The following EPHA6 variants were observed in gnomAD, a reference collection of about 807,000 sequenced individuals.
EPHA6 encodes the protein ephrin type-A receptor 6.
A neutral mutation model predicts 112.0 loss-of-function variants in EPHA6; 50 were observed. The observed-to-expected ratio is 0.45, with a 90% CI of 0.36 to 0.56. The LOEUF is 0.56. Among genes scored for constraint, EPHA6 ranks in the 20% least tolerant of loss-of-function variants. EPHA6 has a pLI of 0.00. For synonymous variants in EPHA6, 529 were observed against 490.7 expected, an observed-to-expected ratio of 1.08 and a Z score of -1.03; for missense variants, 1,280 against 1,417.4, an observed-to-expected ratio of 0.90 and a Z score of 1.56.
At chr3:97,107,556 T>TA (rs2047604258) in intron 3 of EPHA6, among the ~76,000 whole-genome samples, 1 of 152,188 alleles carries the variant, frequency 6.6e-6, no homozygotes, top group Non-Finnish European at 1.5e-5. Flanking sequence ...TAGCTATTCG[T>TA]AACTGACTAA....
Position 97,516,636 on chromosome 3 carries a change from G to C in EPHA6, c.2201-15722G>C, listed in dbSNP as rs569856116. Among the ~76,000 whole-genome samples the C allele has an allele frequency of 1.6e-4, 25 of 152,128 alleles. No individual in the cohort carries two copies. In the South Asian group the frequency reaches 1.7e-3, roughly 10 times the overall value. On this transcript the variant is annotated intron_variant, in intron 10 of 17. Coordinates refer to ENST00000389672, the MANE Select transcript of EPHA6 (RefSeq NM_001080448.3). ...GACGAATACACATCCGTCTAGAACTGAATTAAAAATCTAATGTTGTATGTT... is the reference window on the plus strand; with the variant it reads ...GACGAATACACATCCGTCTAGAACTCAATTAAAAATCTAATGTTGTATGTT...
intron 3 of EPHA6, among the ~76,000 whole-genome samples, chr3:97,202,901 T>C (rs1219518924): frequency 2.0e-5 from 3 of 152,096 alleles, no homozygotes; most frequent in Non-Finnish European, 4.4e-5. Context: ...TGTGATATGA[T>C]AGGGACTTAC....
chr3:97,046,968 G>A (rs964377771), intron 3 of EPHA6, among the ~76,000 whole-genome samples: 2 of 151,958 alleles, frequency 1.3e-5, no homozygotes, highest in African/African-American at 4.8e-5. Flanking sequence ...AATTTTTATT[G>A]ATAATGTGTT....
At chr3:97,147,604 G>A (rs1375051080) in intron 3 of EPHA6, among the ~76,000 whole-genome samples, 2 of 152,032 alleles carry the variant, frequency 1.3e-5, no homozygotes, top group Admixed American at 6.6e-5. Context: ...TAAATATAAT[G>A]TTTATTTATT....
chr3:97,457,049 T>C (rs2090714298), intron 7 of EPHA6, among the ~76,000 whole-genome samples: 1 of 152,156 alleles, frequency 6.6e-6, no homozygotes, highest in Non-Finnish European at 1.5e-5. Flanking sequence ...AAGGGCAAAG[T>C]GAAGAAAACC....
chr3:96,818,567 A>C (rs749016509), intron 1 of EPHA6, among the ~76,000 whole-genome samples: 1 of 151,980 alleles, frequency 6.6e-6, no homozygotes, highest in African/African-American at 2.4e-5. Context: ...GTTGTATATA[A>C]ATACAAATAA....
At chr3:96,844,372 A>G (rs2034943826) in intron 1 of EPHA6, among the ~76,000 whole-genome samples, 1 of 152,022 alleles carries the variant, frequency 6.6e-6, no homozygotes, top group South Asian at 2.1e-4. Flanking sequence ...GACAACATAC[A>G]AAAATGTATG....
chr3:96,860,055 T>G (rs2107421965), intron 1 of EPHA6, among the ~76,000 whole-genome samples: 1 of 152,252 alleles, frequency 6.6e-6, no homozygotes, highest in South Asian at 2.1e-4. Context: ...CTTACAGACT[T>G]TCTATATCCT....
intron 16 of EPHA6, among the ~76,000 whole-genome samples, chr3:97,746,920 G>A (rs1262307037): frequency 6.6e-6 from 1 of 151,904 alleles, no homozygotes; most frequent in East Asian, 1.9e-4. Context: ...ATGGAAGTTT[G>A]ATCAATGAAT....
chr3:97,325,351 C>G (rs190734135), intron 5 of EPHA6, among the ~76,000 whole-genome samples: 2 of 152,238 alleles, frequency 1.3e-5, no homozygotes, highest in East Asian at 3.9e-4. Context: ...GCCTTCCTTT[C>G]ACTGTGTCCT....
At chr3:96,983,534 G>C (rs1303491332) in intron 2 of EPHA6, among the ~76,000 whole-genome samples, 1 of 152,026 alleles carries the variant, frequency 6.6e-6, no homozygotes, top group Non-Finnish European at 1.5e-5. Context: ...ATGTGTCTTG[G>C]AGTTGCTCTT....
At chr3:97,383,285 T>C (rs957291644) in intron 5 of EPHA6, among the ~76,000 whole-genome samples, 4 of 152,090 alleles carry the variant, frequency 2.6e-5, no homozygotes, top group African/African-American at 9.7e-5. Flanking sequence ...TTGTGGAAAT[T>C]ATGTCTATAT....
At chr3:97,105,877 G>A (rs1403399437) in intron 3 of EPHA6, among the ~76,000 whole-genome samples, 1 of 152,090 alleles carries the variant, frequency 6.6e-6, no homozygotes, top group African/African-American at 2.4e-5. Flanking sequence ...AAGTCTTGTT[G>A]AATTGTACCT....
intron 5 of EPHA6, among the ~76,000 whole-genome samples, chr3:97,403,629 G>C (rs1009128397): frequency 6.6e-6 from 1 of 152,156 alleles, no homozygotes; most frequent in African/African-American, 2.4e-5. Flanking sequence ...TGTATTTTTA[G>C]TAGAGACGGG....
chr3:97,000,016 G>A (rs950791489), intron 3 of EPHA6, among the ~76,000 whole-genome samples: 31 of 151,672 alleles, frequency 2.0e-4, no homozygotes, highest in African/African-American at 7.5e-4. Flanking sequence ...TCTGTTCCTG[G>A]AAATATTAGT....
chr3:97,168,503 C>A (rs1170670066), intron 3 of EPHA6, among the ~76,000 whole-genome samples: 1 of 151,992 alleles, frequency 6.6e-6, no homozygotes, highest in Non-Finnish European at 1.5e-5. Context: ...TCCATGTTCT[C>A]TTTTTCTCTC....
chr3:97,479,163 G>A (rs560752058), intron 8 of EPHA6, 131 bp from the exon 9 acceptor site: 36 of 537,026 alleles, frequency 6.7e-5, no homozygotes, highest in Admixed American at 7.2e-5. Context: ...ATATTTTCAC[G>A]TTATAAAGAT....
chr3:97,157,364 G>A (rs1169301948), intron 3 of EPHA6, among the ~76,000 whole-genome samples: 3 of 152,020 alleles, frequency 2.0e-5, no homozygotes, highest in African/African-American at 7.2e-5. Flanking sequence ...GGTTATTTTT[G>A]TGGTTATTGT....
intron 13 of EPHA6, among the ~76,000 whole-genome samples, chr3:97,613,206 C>CAAAGTT (rs2093735352): frequency 6.6e-6 from 1 of 152,076 alleles, no homozygotes; most frequent in Non-Finnish European, 1.5e-5. Context: ...AGCAGATACT[C>CAAAGTT]AACTCCCCAT....
Sources: gnomAD v4.1 joint callset for allele counts (sites outside exome capture counted in the v4.1 genomes callset) on GRCh38, gnomAD v4.1.1 for gene constraint, MANE v1.5 for transcripts, NCBI Gene and HGNC (gene_info 2026-07-23, HGNC 2026-07-21) for gene names.